Variants in STK38 observed in about 807,000 individuals in gnomAD.
STK38 encodes the protein serine/threonine kinase 38.
A neutral mutation model predicts 59.0 loss-of-function variants in STK38; 26 were observed. The observed-to-expected ratio is 0.44, with a 90% CI of 0.32 to 0.61. The LOEUF (loss-of-function observed/expected upper bound fraction) is 0.61, where lower values mean the gene tolerates loss of function less well. Ranked by LOEUF, STK38 falls within the 20% of genes least tolerant of loss-of-function variation. STK38 has a pLI of 0.04. For missense variants in STK38, 433 were observed against 566.0 expected (o/e 0.76, Z 2.38); for synonymous variants, 175 against 176.6 (o/e 0.99, Z 0.07).
chr6:36,522,828 C>T (rs1055566258), intron 4 of STK38, among the ~76,000 whole-genome samples: 2 of 119,982 alleles, frequency 1.7e-5, no homozygotes, highest in African/African-American at 6.7e-5. Flanking sequence ...TGCACTCCAG[C>T]CTGGGCAACA....
rs1776681711 is a variant in STK38 at position 36,495,593 on chromosome 6, T to C, written c.*191A>G. 3.1e-6 allele frequency: 2 copies of C among 635,280 alleles called. No homozygotes were observed. Among genetic ancestry groups the C allele is most frequent in the Admixed American group, 6.4e-5 (2 of 31,118 alleles). 39.4% of individuals were successfully genotyped at this position (635,280 alleles called of 1,614,324 possible). On this transcript the variant is annotated 3_prime_UTR_variant, in exon 14 of 14. Coordinates refer to ENST00000229812, the MANE Select transcript of STK38 (RefSeq NM_007271.4). The stretch of plus-strand genomic sequence containing the variant: ...CTGTTTATGGCCGACGTAGTAGAAA[T>C]GGTTGTCTTTGTTTACAGTTTTTCA...
chr6:36,503,257 C>G (rs1001107531), intron 9 of STK38, among the ~76,000 whole-genome samples: 1 of 151,950 alleles, frequency 6.6e-6, no homozygotes, highest in Non-Finnish European at 1.5e-5. Flanking sequence ...ATAAAATAAA[C>G]CAACTTTTTC....
intron 7 of STK38, among the ~76,000 whole-genome samples, chr6:36,514,458 A>C (rs1582426090): frequency 1.3e-5 from 2 of 152,218 alleles, no homozygotes; most frequent in Non-Finnish European, 2.9e-5. Context: ...TCTGCTTAAC[A>C]GAAAACAACA....
In STK38 at chr6:36,516,089, C is replaced by T. The variant is rs1278305503; in HGVS notation, c.515-597G>A. ...TATACACTAGAATGTGCAATAACTG[C>T]CTCCTGGAAGAGTACAATGAACACC... On this transcript the variant is annotated intron_variant, in intron 6 of 13. Coordinates refer to ENST00000229812, the MANE Select transcript of STK38 (RefSeq NM_007271.4). Among the ~76,000 whole-genome samples the T allele has an allele frequency of 3.3e-5, 5 of 152,186 alleles. No homozygotes were observed. In the East Asian group the frequency reaches 7.7e-4, roughly 23 times the overall value.
At position 36,508,961 on chromosome 6, in the gene STK38, C is replaced by A. The variant is rs115788986; in HGVS notation, c.670-1359G>T. On this transcript the variant is annotated intron_variant, in intron 7 of 13. Transcript: ENST00000229812. The stretch of plus-strand genomic sequence containing the variant: ...AGTGGCACCTGGAAGCTTGGAGATG[C>A]CAGAAACCGCAGAGCCCTAAAGGGG... 6.5e-3 allele frequency among the ~76,000 whole-genome samples: 993 copies of A among 152,324 alleles called. 8 individuals carry two copies. Among genetic ancestry groups the A allele is most frequent in the African/African-American group, 0.021 (872 of 41,564 alleles).
At position 36,520,700 on chromosome 6, in the gene STK38, A is replaced by C. The variant is rs1777357779; in HGVS notation, c.390+1034T>G. 2.0e-5 allele frequency among the ~76,000 whole-genome samples: 3 copies of C among 152,328 alleles called. No homozygotes were observed. In the South Asian group the frequency reaches 6.2e-4, roughly 32 times the overall value. On this transcript the variant is annotated intron_variant, in intron 5 of 13. Transcript: ENST00000229812. Reference sequence around the variant, plus strand: ...AAAGGTTGGCGTTAGCATAAACTATAGTGTCTCAAGACTTACCGCCCAGGT... The same window carrying C: ...AAAGGTTGGCGTTAGCATAAACTATCGTGTCTCAAGACTTACCGCCCAGGT...
At chr6:36,540,275 C>T in intron 1 of STK38, 68 bp from the exon 2 acceptor site, 3 of 1,514,472 alleles carry the variant, frequency 2.0e-6, no homozygotes, top group Non-Finnish European at 1.8e-6. Flanking sequence ...ACTCTCCTAC[C>T]CTATTGGTAG....
intron 10 of STK38, 86 bp from the exon 11 acceptor site, chr6:36,498,572 CTTT>C: frequency 8.5e-7 from 1 of 1,183,144 alleles, no homozygotes; most frequent in East Asian, 2.8e-5. Flanking sequence ...AATTCTATGT[CTTT>C]TTTTTTCTTT....
chr6:36,497,950 T>G, intron 11 of STK38, 75 bp from the exon 12 acceptor site: 1 of 1,163,342 alleles, frequency 8.6e-7, no homozygotes, highest in South Asian at 1.4e-5. Flanking sequence ...TTTTTTTTTT[T>G]TTTTTTTGAG....
In STK38 at chr6:36,528,568, G is replaced by A. The variant is rs1777592732; in HGVS notation, c.132-2926C>T. On this transcript the variant is annotated intron_variant, in intron 2 of 13. Transcript: ENST00000229812. ...GTTCTCCCAGTTCCCAGAATATTTT[G>A]GGATACATGTGCATCTATGCGTGCA... 3.3e-5 allele frequency among the ~76,000 whole-genome samples: 5 copies of A among 152,228 alleles called. No individual in the cohort carries two copies. In the South Asian group the frequency reaches 1.0e-3, roughly 32 times the overall value.
At chr6:36,530,624 C>G (rs1161892379) in intron 2 of STK38, among the ~76,000 whole-genome samples, 3 of 151,656 alleles carry the variant, frequency 2.0e-5, no homozygotes, top group Non-Finnish European at 4.4e-5. Context: ...CTTGGCCTCT[C>G]AAAAAGTACA....
chr6:36,515,606 A>G, intron 6 of STK38, 114 bp from the exon 7 acceptor site: 4 of 1,546,208 alleles, frequency 2.6e-6, no homozygotes, highest in Non-Finnish European at 3.5e-6. Flanking sequence ...ATCTGCCAAA[A>G]TAAGGCGGCT....
intron 7 of STK38, 122 bp downstream of exon 7, chr6:36,515,212 AAAGG>A: frequency 8.7e-7 from 1 of 1,149,156 alleles, no homozygotes; most frequent in Non-Finnish European, 1.2e-6. Flanking sequence ...TTTAAAAAAA[AAAGG>A]AAAATCATGA....
At chr6:36,513,320 T>C (rs1777157934) in intron 7 of STK38, among the ~76,000 whole-genome samples, 1 of 145,654 alleles carries the variant, frequency 6.9e-6, no homozygotes, top group Non-Finnish European at 1.5e-5. Context: ...GTCTGGCCTT[T>C]TTTTTTTTTT....
chr6:36,540,276 C>T, intron 1 of STK38, 69 bp from the exon 2 acceptor site: 1 of 1,475,730 alleles, frequency 6.8e-7, no homozygotes, highest in Non-Finnish European at 9.3e-7. Flanking sequence ...CTCTCCTACC[C>T]TATTGGTAGG....
chr6:36,546,610 C>T (rs913368528), intron 1 of STK38, among the ~76,000 whole-genome samples: 14 of 152,192 alleles, frequency 9.2e-5, no homozygotes, highest in Admixed American at 2.6e-4. Flanking sequence ...ACAGACTTTC[C>T]TCTAAGCCCT....
intron 5 of STK38, among the ~76,000 whole-genome samples, chr6:36,520,680 T>G (rs576485843): frequency 2.2e-4 from 33 of 152,282 alleles, no homozygotes; most frequent in African/African-American, 7.5e-4. Context: ...TTGAAAAAGG[T>G]TGGCGTTAGC....
intron 5 of STK38, among the ~76,000 whole-genome samples, chr6:36,520,718 G>A (rs1392227163): frequency 1.3e-5 from 2 of 152,164 alleles, no homozygotes; most frequent in East Asian, 1.9e-4. Flanking sequence ...AAGACTTACC[G>A]CCCAGGTATT....
rs112067709 is a variant in STK38, at chr6:36,524,502, C to G, written c.184-39G>C. ...AAAAAAGGGAGGAGACGGGAAGGAA[C>G]TGAAATTCTGAAACTCTGTAACAAG... On this transcript the variant is annotated intron_variant, in intron 3 of 13. Transcript: ENST00000229812. 14 of 1,560,618 alleles carry G rather than the reference C, an allele frequency of 9.0e-6. No homozygotes were observed. In the African/African-American group the frequency reaches 1.1e-4, roughly 12 times the overall value.
Sources: gnomAD v4.1 joint callset for allele counts (sites outside exome capture counted in the v4.1 genomes callset) on GRCh38, gnomAD v4.1.1 for gene constraint, MANE v1.5 for transcripts, NCBI Gene and HGNC (gene_info 2026-07-23, HGNC 2026-07-21) for gene names.